Variants in COLEC10 observed in about 807,000 individuals in gnomAD.
The protein encoded by COLEC10 is collectin-10.
COLEC10 carries 22 observed loss-of-function variants against 28.4 expected under a neutral mutation model. The ratio of observed to expected loss-of-function variants is 0.78; its 90% CI spans 0.55 to 1.11. COLEC10 has a LOEUF of 1.11. Ranked by LOEUF, COLEC10 falls within the 50% of genes least tolerant of loss-of-function variation. The pLI is 0.00. For synonymous variants in COLEC10, 125 were observed against 116.1 expected (o/e 1.08, Z -0.49); for missense variants, 361 against 344.1 (o/e 1.05, Z -0.39).
At chr8:118,955,675 C>A in the COLEC10 span, among the ~76,000 whole-genome samples, 4 of 152,190 alleles carry the variant, frequency 2.6e-5, no homozygotes, top group Non-Finnish European at 4.4e-5. Context: ...ATGATGAACA[C>A]ATGGTGAAGA....
At chr8:119,053,426 G>A (rs1318846313) in intron 2 of COLEC10, among the ~76,000 whole-genome samples, 1 of 152,080 alleles carries the variant, frequency 6.6e-6, no homozygotes, top group Non-Finnish European at 1.5e-5. Flanking sequence ...CTCAAAGCAG[G>A]AACACTTGAG....
chr8:118,993,310 C>T (rs1221062919), upstream of COLEC10, among the ~76,000 whole-genome samples: 1 of 152,006 alleles, frequency 6.6e-6, no homozygotes, highest in South Asian at 2.1e-4. Context: ...TCTGTTTTCT[C>T]ACATGATCTT....
the COLEC10 span, among the ~76,000 whole-genome samples, chr8:118,974,265 A>AGACT: frequency 0.068 from 10,389 of 151,910 alleles, 615 homozygotes; most frequent in East Asian, 0.17. Context: ...CCTGGAGCAA[A>AGACT]GACTATTTTA....
At chr8:118,989,659 A>G in the COLEC10 span, among the ~76,000 whole-genome samples, 1 of 152,034 alleles carries the variant, frequency 6.6e-6, no homozygotes, top group South Asian at 2.1e-4. Flanking sequence ...ATAGTCTTGA[A>G]AATTTTAAGA....
chr8:118,968,781 C>A, the COLEC10 span, among the ~76,000 whole-genome samples: 1 of 151,816 alleles, frequency 6.6e-6, no homozygotes, highest in Non-Finnish European at 1.5e-5. Context: ...TGGCCCCCTA[C>A]CCCCAACAGG....
chr8:119,096,955 T>C lies in COLEC10; in HGVS notation c.293-5393T>C, dbSNP rs997115624. On this transcript the variant is annotated intron_variant, in intron 3 of 5. Transcript: ENST00000332843. The stretch of plus-strand genomic sequence containing the variant: ...ATACCATGGAAATAAATATACTATC[T>C]CAATATGCAAAAAATGAATGAATAT... 7.2e-5 allele frequency among the ~76,000 whole-genome samples: 11 copies of C among 151,926 alleles called. 2 individuals are homozygous for C. The highest frequency in any genetic ancestry group is 1.6e-4 in the Non-Finnish European group (11 of 67,954).
the COLEC10 span, among the ~76,000 whole-genome samples, chr8:118,959,256 A>G: frequency 6.6e-6 from 1 of 152,358 alleles, no homozygotes; most frequent in East Asian, 1.9e-4. Flanking sequence ...CTTAGAGAGC[A>G]TAGGATGAAG....
upstream of COLEC10, among the ~76,000 whole-genome samples, chr8:118,993,601 C>T (rs947887024): frequency 3.3e-5 from 5 of 152,210 alleles, no homozygotes; most frequent in South Asian, 4.1e-4. Flanking sequence ...GTGAGCCACC[C>T]GCCTTGGCCT....
chr8:119,090,244 A>G (rs1815562250), intron 2 of COLEC10, among the ~76,000 whole-genome samples: 2 of 152,214 alleles, frequency 1.3e-5, no homozygotes, highest in Non-Finnish European at 2.9e-5. Flanking sequence ...CACTGGAGAA[A>G]TGGTGGGGTA....
the COLEC10 span, among the ~76,000 whole-genome samples, chr8:118,986,728 T>C: frequency 6.6e-6 from 1 of 152,188 alleles, no homozygotes; most frequent in Non-Finnish European, 1.5e-5. Context: ...GAAGTACTGA[T>C]GCATTCTACA....
At chr8:119,062,743 G>C (rs1268159797), upstream of COLEC10, among the ~76,000 whole-genome samples, 1 of 152,134 alleles carries the variant, frequency 6.6e-6, no homozygotes, top group African/African-American at 2.4e-5. Flanking sequence ...GCCTCCCAAA[G>C]TGCTGGGATT....
intron 1 of COLEC10, among the ~76,000 whole-genome samples, chr8:118,996,650 T>G (rs1185417471): frequency 1.3e-5 from 2 of 152,208 alleles, no homozygotes; most frequent in Non-Finnish European, 2.9e-5. Flanking sequence ...GCCATCTATC[T>G]GTATGCTTTC....
At chr8:119,098,905 T>G (rs534355226) in intron 3 of COLEC10, among the ~76,000 whole-genome samples, 4 of 152,208 alleles carry the variant, frequency 2.6e-5, no homozygotes, top group African/African-American at 9.6e-5. Flanking sequence ...TTGTCCTCAT[T>G]TTGGTGATTG....
chr8:119,082,970 A>G (rs965892950), intron 1 of COLEC10, among the ~76,000 whole-genome samples: 3 of 152,174 alleles, frequency 2.0e-5, no homozygotes, highest in South Asian at 2.1e-4. Context: ...TTCTTTGTCC[A>G]TCTTCTCCTG....
At chr8:119,020,648 T>C (rs1297554687) in intron 2 of COLEC10, among the ~76,000 whole-genome samples, 1 of 152,164 alleles carries the variant, frequency 6.6e-6, no homozygotes, top group African/African-American at 2.4e-5. Flanking sequence ...ATAATTTCTA[T>C]GGTTACCTGG....
At chr8:119,067,796 C>T (rs1815003035) in intron 1 of COLEC10, 1 of 167,748 alleles carries the variant, frequency 6.0e-6, no homozygotes, top group Non-Finnish European at 1.3e-5. Flanking sequence ...TTTGTACTCT[C>T]CTCCTTTCTA....
intron 2 of COLEC10, among the ~76,000 whole-genome samples, chr8:119,037,169 C>A (rs1012342497): frequency 6.6e-6 from 1 of 152,182 alleles, no homozygotes; most frequent in African/African-American, 2.4e-5. Context: ...AGGACCCATA[C>A]AATCTTCATA....
At chr8:118,975,369 G>T in the COLEC10 span, among the ~76,000 whole-genome samples, 3 of 152,000 alleles carry the variant, frequency 2.0e-5, no homozygotes, top group Non-Finnish European at 4.4e-5. Flanking sequence ...TGTAAATTCT[G>T]CTATGTTATC....
At chr8:119,069,623 AAAAAAAATATAT>A (rs1387740133) in intron 1 of COLEC10, among the ~76,000 whole-genome samples, 9 of 54,352 alleles carry the variant, frequency 1.7e-4, no homozygotes, top group African/African-American at 7.4e-4. Context: ...AAAAAAAAAA[AAAAAAAATATAT>A]ATATATATAT....
Sources: allele counts gnomAD v4.1 joint callset (sites outside exome capture counted in the v4.1 genomes callset), GRCh38; gene constraint gnomAD v4.1.1; transcripts MANE v1.5; gene names NCBI Gene and HGNC (gene_info 2026-07-23, HGNC 2026-07-21).